Variants in TRPC6 observed in about 807,000 individuals in gnomAD.
TRPC6 encodes short transient receptor potential channel 6.
A neutral mutation model predicts 90.7 loss-of-function variants in TRPC6; 55 were observed. The observed-to-expected ratio is 0.61, with a 90% CI of 0.49 to 0.76. TRPC6 has a LOEUF of 0.76. Ranked by LOEUF, TRPC6 falls within the 30% of genes least tolerant of loss-of-function variation. TRPC6 has a pLI of 0.00. For synonymous variants in TRPC6, 393 were observed against 393.0 expected (o/e 1.00, Z 0.00); for missense variants, 989 against 1,122.7 (o/e 0.88, Z 1.70).
At chr11:101,575,189 A>T (rs1288187408) in intron 1 of TRPC6, among the ~76,000 whole-genome samples, 1 of 152,220 alleles carries the variant, frequency 6.6e-6, no homozygotes, top group Non-Finnish European at 1.5e-5. Flanking sequence ...GCATAGAAGC[A>T]GTTTTATCCA....
At chr11:101,453,295 T>G (rs1044087665) in intron 12 of TRPC6, among the ~76,000 whole-genome samples, 189 bp from the exon 13 acceptor site, 6 of 152,162 alleles carry the variant, frequency 3.9e-5, no homozygotes, top group African/African-American at 7.2e-5. Context: ...ATGAAGAGAT[T>G]ATAGCAGAAT....
At chr11:101,533,683 G>A (rs1860966215) in intron 1 of TRPC6, among the ~76,000 whole-genome samples, 2 of 152,190 alleles carry the variant, frequency 1.3e-5, no homozygotes, top group African/African-American at 4.8e-5. Flanking sequence ...ATTTAACTGG[G>A]GCTTTGCTTA....
rs1044535470 is a variant in TRPC6, at chr11:101,511,553, G to A, written c.171-6755C>T. 5.3e-5 allele frequency among the ~76,000 whole-genome samples: 8 copies of A among 152,146 alleles called. 1 individual carries two copies. Among genetic ancestry groups the A allele is most frequent in the Non-Finnish European group, 1.5e-5 (1 of 68,034 alleles). On this transcript the variant is annotated intron_variant, in intron 1 of 12. Transcript: ENST00000344327. The stretch of plus-strand genomic sequence containing the variant: ...CAAAATATAAAGGTTGAGCCACAGT[G>A]TGTTCTAGTGTAAATATAATATTTT...
At chr11:101,540,108 T>G (rs992380070) in intron 1 of TRPC6, among the ~76,000 whole-genome samples, 4 of 152,282 alleles carry the variant, frequency 2.6e-5, no homozygotes, top group Non-Finnish European at 5.9e-5. Context: ...CTCTTAGCTG[T>G]GAACAACACA....
intron 1 of TRPC6, among the ~76,000 whole-genome samples, chr11:101,520,490 A>G (rs12277494): frequency 0.049 from 7,522 of 152,278 alleles, 319 homozygotes; most frequent in African/African-American, 0.1. Context: ...CTGTAAAAGC[A>G]ACTTTGGAAC....
At chr11:101,468,574 C>T (rs1012356712) in intron 10 of TRPC6, among the ~76,000 whole-genome samples, 7 of 152,292 alleles carry the variant, frequency 4.6e-5, no homozygotes, top group South Asian at 2.1e-4. Context: ...CTAGCATCCC[C>T]GACTTTTCCT....
chr11:101,463,555 G>A (rs1396567385), intron 10 of TRPC6, among the ~76,000 whole-genome samples: 1 of 152,254 alleles, frequency 6.6e-6, no homozygotes, highest in East Asian at 1.9e-4. Context: ...ATGTGTCCAG[G>A]AATTTATCCA....
intron 2 of TRPC6, among the ~76,000 whole-genome samples, chr11:101,495,837 T>C (rs1361167494): frequency 6.6e-6 from 1 of 152,078 alleles, no homozygotes; most frequent in Non-Finnish European, 1.5e-5. Context: ...AAGATGGGAG[T>C]TTGTAAAATA....
At position 101,471,214 on chromosome 11, in the gene TRPC6, T is replaced by C. The variant is rs781716167; in HGVS notation, c.2378A>G (p.Lys793Arg). The C allele has an allele frequency of 6.2e-7, 1 of 1,613,924 alleles. No homozygotes were observed. Among genetic ancestry groups the C allele is most frequent in the African/African-American group, 1.3e-5 (1 of 75,034 alleles). Residue 793 changes from lysine (K) to arginine (R), a missense_variant, in exon 9 of 13, where the codon AAA (lysine) becomes AGA (arginine). By Grantham distance (26) the Lys-to-Arg change is conservative. Around this residue, in one of 4 missense-constraint regions of TRPC6, gnomAD observed 191 missense variants for 196.7 expected, o/e 0.97. Coordinates refer to ENST00000344327, the MANE Select transcript of TRPC6 (RefSeq NM_004621.6). ...WISELFQGHK[K>R]GFQEDAEMNK... ...CATCTCTGCATCTTCCTGGAAACCT[T>C]TTTTATGGCCCTGGAACAGCTCAGA...
chr11:101,466,772 C>CA (rs970012452), intron 10 of TRPC6, among the ~76,000 whole-genome samples: 14 of 151,822 alleles, frequency 9.2e-5, no homozygotes, highest in Admixed American at 2.0e-4. Flanking sequence ...AACAAACAAA[C>CA]AAAAAAAACT....
At chr11:101,544,389 C>T (rs899519717) in intron 1 of TRPC6, among the ~76,000 whole-genome samples, 2 of 152,068 alleles carry the variant, frequency 1.3e-5, no homozygotes, top group Non-Finnish European at 2.9e-5. Flanking sequence ...GGTATATACC[C>T]AAAGGATTAT....
At chr11:101,559,785 T>G (rs12796092) in intron 1 of TRPC6, among the ~76,000 whole-genome samples, 3 of 61,474 alleles carry the variant, frequency 4.9e-5, no homozygotes, top group African/African-American at 7.5e-5. Context: ...CCCTCCCCCC[T>G]CCCCCCACCC....
At chr11:101,467,147 A>G (rs1376961008) in intron 10 of TRPC6, among the ~76,000 whole-genome samples, 1 of 152,146 alleles carries the variant, frequency 6.6e-6, no homozygotes, top group Non-Finnish European at 1.5e-5. Flanking sequence ...AGCTGTTCCT[A>G]TTCGGCCATC....
intron 1 of TRPC6, among the ~76,000 whole-genome samples, chr11:101,544,421 A>T (rs1004080881): frequency 6.6e-6 from 1 of 152,234 alleles, no homozygotes; most frequent in African/African-American, 2.4e-5. Context: ...CTCTAAAGAC[A>T]CATGCACACA....
Position 101,491,551 on chromosome 11 carries a change from C to G in TRPC6, c.1128+5G>C. ...AATGTAAACGGGCTTCACGCCTGAC[C>G]TTACTTTTTTTACTTCATATTTAAT... is the stretch of plus-strand genomic sequence containing the variant. On this transcript the variant is annotated splice_donor_5th_base_variant and intron_variant, in intron 3 of 12. Transcript: ENST00000344327. The G allele has an allele frequency of 1.2e-6, 2 of 1,613,544 alleles. 1 individual carries two copies. The highest frequency in any genetic ancestry group is 2.2e-5 in the South Asian group (2 of 91,058).
intron 1 of TRPC6, among the ~76,000 whole-genome samples, chr11:101,523,486 C>T (rs1478696258): frequency 1.3e-5 from 2 of 152,182 alleles, no homozygotes; most frequent in African/African-American, 4.8e-5. Flanking sequence ...CTTCAACTAT[C>T]TGTAATTTTC....
rs200661450 is a variant in TRPC6, at chr11:101,491,629, G to A, written c.1055C>T (p.Thr352Met). 2.4e-5 allele frequency: 39 copies of A among 1,613,760 alleles called. No individual in the cohort carries two copies. The Middle Eastern group carries it at 1.8e-3, about 75-fold the overall frequency. ...VEAILNGDVE[T>M]LQSGDHGRPN... ...GCGACCGTGATCACCACTCTGGAGCGTTTCAACATCCCCATTCAGAATGGC... is the reference window on the plus strand; with the variant it reads ...GCGACCGTGATCACCACTCTGGAGCATTTCAACATCCCCATTCAGAATGGC... Residue 352 changes from threonine (T) to methionine (M), a missense_variant, in exon 3 of 13, where the codon ACG (threonine) becomes ATG (methionine). Around this residue, in one of 4 missense-constraint regions of TRPC6, gnomAD observed 486 missense variants for 591.9 expected, o/e 0.82. Transcript: ENST00000344327.
At chr11:101,545,475 T>C (rs1203128371) in intron 1 of TRPC6, among the ~76,000 whole-genome samples, 2 of 152,172 alleles carry the variant, frequency 1.3e-5, no homozygotes, top group South Asian at 4.1e-4. Context: ...ATCTATCCAT[T>C]ACATTGCCCC....
chr11:101,453,565 A>G (rs1235614950), intron 12 of TRPC6, 85 bp downstream of exon 12: 3 of 1,277,418 alleles, frequency 2.3e-6, no homozygotes, highest in African/African-American at 2.9e-5. Flanking sequence ...CCCTGTACGC[A>G]TCTCTGCAGC....
Sources: gnomAD v4.1 joint callset for allele counts (sites outside exome capture counted in the v4.1 genomes callset) on GRCh38, gnomAD v4.1.1 for gene constraint, gnomAD v4.1.1 regional missense constraint, MANE v1.5 for transcripts, NCBI Gene and HGNC (gene_info 2026-07-23, HGNC 2026-07-21) for gene names.